Variants in RBM47 observed in about 807,000 individuals in gnomAD.
RBM47 encodes RNA-binding protein 47.
A neutral mutation model predicts 47.1 loss-of-function variants in RBM47; 21 were observed. That is an observed-to-expected ratio of 0.45 (90% CI 0.32 to 0.64). The LOEUF (loss-of-function observed/expected upper bound fraction) is 0.64, where lower values mean the gene tolerates loss of function less well. Among genes scored for constraint, RBM47 ranks in the 30% least tolerant of loss-of-function variants. The pLI is 0.05. For missense variants in RBM47, 708 were observed against 870.9 expected (o/e 0.81, Z 2.35); for synonymous variants, 375 against 361.7 (o/e 1.04, Z -0.42).
chr4:40,557,608 G>T (rs1040876197), intron 1 of RBM47, among the ~76,000 whole-genome samples: 4 of 152,118 alleles, frequency 2.6e-5, no homozygotes, highest in Non-Finnish European at 5.9e-5. Flanking sequence ...AATTAGCTGG[G>T]CATGGTGGTG....
intron 2 of RBM47, among the ~76,000 whole-genome samples, chr4:40,472,635 A>C (rs1468319952): frequency 6.6e-6 from 1 of 152,146 alleles, no homozygotes; most frequent in African/African-American, 2.4e-5. Context: ...AATGAAAAAA[A>C]TGGAATGAAA....
In RBM47 at chr4:40,576,496, T is replaced by A. The variant is rs543554354; in HGVS notation, c.-239-31990A>T. On this transcript the variant is annotated intron_variant, in intron 1 of 6. Coordinates refer to ENST00000295971, the MANE Select transcript of RBM47 (RefSeq NM_001098634.2). Reference sequence around the variant, plus strand: ...CTGTGATCAACTTACATAACATATATGAAAGCATTTTGGAAACTGTAAAAT... The same window carrying A: ...CTGTGATCAACTTACATAACATATAAGAAAGCATTTTGGAAACTGTAAAAT... 3.9e-5 allele frequency among the ~76,000 whole-genome samples: 6 copies of A among 152,306 alleles called. No individual in the cohort carries two copies. The East Asian group carries it at 1.2e-3, about 29-fold the overall frequency.
intron 3 of RBM47, among the ~76,000 whole-genome samples, chr4:40,454,834 A>C (rs1715986719): frequency 6.6e-6 from 1 of 152,322 alleles, no homozygotes; most frequent in East Asian, 1.9e-4. Context: ...GAGGGTATCA[A>C]ATAACTTGAC....
At chr4:40,607,455 C>T (rs1735865149) in intron 1 of RBM47, among the ~76,000 whole-genome samples, 1 of 152,026 alleles carries the variant, frequency 6.6e-6, no homozygotes, top group African/African-American at 2.4e-5. Flanking sequence ...GCCTGTAATC[C>T]CAGCACTTTA....
At chr4:40,494,227 C>A (rs1275446624) in intron 2 of RBM47, among the ~76,000 whole-genome samples, 3 of 152,272 alleles carry the variant, frequency 2.0e-5, no homozygotes, top group South Asian at 2.1e-4. Context: ...TTGCATTTAT[C>A]CCCCACCTCC....
chr4:40,607,161 T>C (rs1187924297), intron 1 of RBM47, among the ~76,000 whole-genome samples: 2 of 152,250 alleles, frequency 1.3e-5, no homozygotes. Flanking sequence ...TGGACTATTA[T>C]ATTACTCAGC....
chr4:40,611,180 T>G (rs539119343), intron 1 of RBM47, among the ~76,000 whole-genome samples: 5 of 152,216 alleles, frequency 3.3e-5, no homozygotes, highest in Non-Finnish European at 5.9e-5. Flanking sequence ...CTTCAGTCTC[T>G]CTAGGTAAAT....
chr4:40,531,188 CA>C (rs1470064384), intron 2 of RBM47, among the ~76,000 whole-genome samples: 1 of 151,944 alleles, frequency 6.6e-6, no homozygotes, highest in Non-Finnish European at 1.5e-5. Flanking sequence ...ATTCCCGATG[CA>C]GATTAAAAAA....
At chr4:40,621,809 A>G (rs1050147748) in intron 1 of RBM47, among the ~76,000 whole-genome samples, 1 of 152,220 alleles carries the variant, frequency 6.6e-6, no homozygotes, top group Non-Finnish European at 1.5e-5. Context: ...TGATTTGGAA[A>G]CAGGGAAGCT....
chr4:40,492,238 T>C (rs1229011932), intron 2 of RBM47, among the ~76,000 whole-genome samples: 1 of 151,658 alleles, frequency 6.6e-6, no homozygotes, highest in Non-Finnish European at 1.5e-5. Context: ...GGCCTGGGGG[T>C]ATGCGCCTGT....
chr4:40,601,884 C>G (rs1735310480), intron 1 of RBM47, among the ~76,000 whole-genome samples: 1 of 152,184 alleles, frequency 6.6e-6, no homozygotes, highest in Admixed American at 6.5e-5. Flanking sequence ...AGAAATCTCT[C>G]TGGGTCGGGC....
rs1738046824 is a variant in RBM47 at position 40,629,624 on chromosome 4, T to C, written c.-468A>G. ...TCTGGGAATTCCAGTGGGTCAGAAT[T>C]GCTTAACCTTGGAGACTTGCAGAGA... is the stretch of plus-strand genomic sequence containing the variant. On this transcript the variant is annotated 5_prime_UTR_variant, in exon 1 of 7. Coordinates refer to ENST00000295971, the MANE Select transcript of RBM47 (RefSeq NM_001098634.2). 1 of 152,200 alleles carries C rather than the reference T, an allele frequency of 6.6e-6. No homozygotes were observed. The highest frequency in any genetic ancestry group is 1.5e-5 in the Non-Finnish European group (1 of 68,054). The allele number at this position is 152,200 out of a possible 1,614,324, so 9.4% of individuals were successfully genotyped here.
chr4:40,517,957 G>A (rs1017566292), intron 2 of RBM47, among the ~76,000 whole-genome samples: 4 of 152,026 alleles, frequency 2.6e-5, no homozygotes, highest in African/African-American at 9.7e-5. Flanking sequence ...TGGGGGGCCT[G>A]CAACCAATTC....
intron 2 of RBM47, among the ~76,000 whole-genome samples, chr4:40,536,347 C>T (rs891648634): frequency 6.6e-6 from 1 of 152,142 alleles, no homozygotes; most frequent in African/African-American, 2.4e-5. Flanking sequence ...GGCTTGGAGA[C>T]CTTGTTCTTG....
At chr4:40,568,984 AAGATAGAT>A (rs60078594) in intron 1 of RBM47, among the ~76,000 whole-genome samples, 36,683 of 145,032 alleles carry the variant, frequency 0.25, 5,143 homozygotes, top group Admixed American at 0.35. Flanking sequence ...TCTGTCTCAA[AAGATAGAT>A]AGATAGATAG....
intron 2 of RBM47, among the ~76,000 whole-genome samples, chr4:40,522,587 CA>C (rs1296269088): frequency 6.6e-6 from 1 of 152,034 alleles, no homozygotes; most frequent in Non-Finnish European, 1.5e-5. Flanking sequence ...CACAATAATC[CA>C]AAAATTCTAC....
intron 2 of RBM47, among the ~76,000 whole-genome samples, chr4:40,486,366 G>C (rs1160472133): frequency 1.3e-5 from 2 of 152,148 alleles, no homozygotes; most frequent in Non-Finnish European, 2.9e-5. Flanking sequence ...TACGAGCAAA[G>C]ATATCAGCAG....
intron 6 of RBM47, among the ~76,000 whole-genome samples, chr4:40,431,232 T>C (rs1715941496): frequency 6.6e-6 from 1 of 152,232 alleles, no homozygotes; most frequent in South Asian, 2.1e-4. Flanking sequence ...ATGTCCTCCC[T>C]ATGTCCTATA....
chr4:40,432,573 CA>C, intron 6 of RBM47, 77 bp downstream of exon 6: 7 of 1,578,986 alleles, frequency 4.4e-6, no homozygotes, highest in Non-Finnish European at 6.0e-6. Flanking sequence ...AGTAAATTCT[CA>C]GTGCTGAATA....
Sources: gnomAD v4.1 joint callset for allele counts (sites outside exome capture counted in the v4.1 genomes callset) on GRCh38, gnomAD v4.1.1 for gene constraint, MANE v1.5 for transcripts, NCBI Gene and HGNC (gene_info 2026-07-23, HGNC 2026-07-21) for gene names.